The following PCDHGA9 variants were observed in gnomAD, a reference collection of about 807,000 sequenced individuals.
PCDHGA9 encodes the protein protocadherin gamma subfamily A, 9, also known as protocadherin gamma-A9.
PCDHGA9 carries 37 observed loss-of-function variants against 62.5 expected under a neutral mutation model. The ratio of observed to expected loss-of-function variants is 0.59; its 90% CI spans 0.46 to 0.78. The LOEUF (loss-of-function observed/expected upper bound fraction) is 0.78. Ranked by LOEUF, PCDHGA9 falls within the 30% of genes least tolerant of loss-of-function variation. The probability of loss-of-function intolerance (pLI) is 0.00; values close to 1 mark genes in which losing one functional copy is unlikely to be tolerated. For missense variants in PCDHGA9, 1,138 were observed against 1,166.2 expected, an observed-to-expected ratio of 0.98 and a Z score of 0.35; for synonymous variants, 459 against 484.6, an observed-to-expected ratio of 0.95 and a Z score of 0.69.
intron 1 of PCDHGA9, chr5:141,428,035 A>C (rs776717344): frequency 6.2e-7 from 1 of 1,607,926 alleles, no homozygotes; most frequent in Non-Finnish European, 8.5e-7. Context: ...GAGTCCGGCT[A>C]CCTGGTGACC....
At chr5:141,499,679 T>G (rs2099793341) in intron 2 of PCDHGA9, among the ~76,000 whole-genome samples, 1 of 150,922 alleles carries the variant, frequency 6.6e-6, no homozygotes, top group South Asian at 2.1e-4. Context: ...CCACCATCTT[T>G]AACAGATGAC....
intron 1 of PCDHGA9, chr5:141,433,139 T>G: frequency 6.2e-7 from 1 of 1,614,068 alleles, no homozygotes; most frequent in Non-Finnish European, 8.5e-7. Context: ...CCTTTTGCTG[T>G]CAGGTGATTC....
chr5:141,463,886 C>T (rs1327677210), intron 1 of PCDHGA9, among the ~76,000 whole-genome samples: 3 of 152,118 alleles, frequency 2.0e-5, no homozygotes, highest in African/African-American at 4.8e-5. Flanking sequence ...AAAGTTTTCA[C>T]CTTGCTTTTT....
intron 1 of PCDHGA9, chr5:141,409,586 G>C: frequency 6.2e-7 from 1 of 1,613,908 alleles, no homozygotes; most frequent in Non-Finnish European, 8.5e-7. Flanking sequence ...GGTCCACGTG[G>C]CCGAGAACAA....
intron 1 of PCDHGA9, among the ~76,000 whole-genome samples, chr5:141,466,826 G>A (rs978548667): frequency 1.2e-4 from 18 of 152,056 alleles, no homozygotes; most frequent in Admixed American, 8.5e-4. Flanking sequence ...TAACAAGTTA[G>A]TATGGGTTTA....
At position 141,431,633 on chromosome 5, in the gene PCDHGA9, T is replaced by G; in HGVS notation, c.2424+26257T>G. On this transcript the variant is annotated intron_variant, in intron 1 of 3. Coordinates refer to ENST00000573521, the MANE Select transcript of PCDHGA9 (RefSeq NM_018921.3). This position sits in a 1 kb window ranked among gnomAD's most constrained non-coding sequence, Gnocchi z 4.8. Reference sequence around the variant, plus strand: ...TGTGGACGACAAGGCGGCCCAAGTTTTCAAACTAGATTGTAATTCAGGGAC... The same window carrying G: ...TGTGGACGACAAGGCGGCCCAAGTTGTCAAACTAGATTGTAATTCAGGGAC... 6.2e-7 allele frequency: 1 copy of G among 1,614,240 alleles called. No individual in the cohort carries two copies. Among genetic ancestry groups the G allele is most frequent in the Non-Finnish European group, 8.5e-7 (1 of 1,180,048 alleles).
chr5:141,440,931 C>G (rs2098213287), intron 1 of PCDHGA9: 1 of 152,186 alleles, frequency 6.6e-6, no homozygotes, highest in Non-Finnish European at 1.5e-5. Context: ...GTGAGGGCCA[C>G]CAACCAGGAC....
rs147564249 is a variant in PCDHGA9, at chr5:141,432,378, C to T, written c.2424+27002C>T. 1 of 1,614,234 alleles carries T rather than the reference C, an allele frequency of 6.2e-7. No homozygotes were observed. Among genetic ancestry groups the T allele is most frequent in the Non-Finnish European group, 8.5e-7 (1 of 1,180,044 alleles). ...GTGATGGCGCGGGACAACGGGCACCCGCCCCTCAGCAGCAACGTGTCGTTG... is the reference window on the plus strand; with the variant it reads ...GTGATGGCGCGGGACAACGGGCACCTGCCCCTCAGCAGCAACGTGTCGTTG... On this transcript the variant is annotated intron_variant, in intron 1 of 3. Coordinates refer to ENST00000573521, the MANE Select transcript of PCDHGA9 (RefSeq NM_018921.3). This position sits in a 1 kb window ranked among gnomAD's most constrained non-coding sequence, Gnocchi z 6.0.
chr5:141,404,769 A>G lies in PCDHGA9; in HGVS notation c.1817A>G (p.Tyr606Cys). The G allele has an allele frequency of 1.2e-6, 2 of 1,611,124 alleles. No homozygotes were observed. The highest frequency in any genetic ancestry group is 1.7e-6 in the Non-Finnish European group (2 of 1,179,696). ...RDSGQNAWLS[Y>C]RLFKASEPGL... ...TCAGGCCAGAATGCTTGGCTCTCCT[A>G]CCGCCTATTCAAGGCCAGTGAGCCA... Residue 606 changes from tyrosine (Y) to cysteine (C), a missense_variant, in exon 1 of 4, where the codon TAC (tyrosine) becomes TGC (cysteine). Physicochemically the swap from Tyr to Cys is radical, Grantham distance 194 (BLOSUM62 -2). Transcript: ENST00000573521.
In PCDHGA9 at chr5:141,405,233, G is replaced by A. The variant is rs746061797; in HGVS notation, c.2281G>A (p.Ala761Thr). 10 of 1,613,914 alleles carry A rather than the reference G, an allele frequency of 6.2e-6. No individual in the cohort carries two copies. Among genetic ancestry groups the A allele is most frequent in the East Asian group, 2.2e-5 (1 of 44,880 alleles). Residue 761 changes from alanine to threonine, a missense_variant, in exon 1 of 4, where the codon GCT becomes ACT. Physicochemically the swap from Ala to Thr is moderately conservative, Grantham distance 58 (BLOSUM62 0). Transcript: ENST00000573521. ...QTYSQEFSLT[A>T]DSRKSHLIFP... ...CTATTCTCAGGAGTTCTCCCTCACC[G>A]CTGACTCAAGGAAGAGTCACCTGAT... is the stretch of plus-strand genomic sequence containing the variant.
rs201279747 is a variant in PCDHGA9, at chr5:141,414,931, G to A, written c.2424+9555G>A. On this transcript the variant is annotated intron_variant, in intron 1 of 3. Coordinates refer to ENST00000573521, the MANE Select transcript of PCDHGA9 (RefSeq NM_018921.3). ...AGGCGTGGAGCTGGCGCCCCGCTCC[G>A]CAGAGCCCGGCTACCTGGTGACCAA... 123 of 1,614,120 alleles carry A rather than the reference G, an allele frequency of 7.6e-5. No homozygotes were observed. In the East Asian group the frequency reaches 2.5e-3, roughly 33 times the overall value.
rs6883529 is a variant in PCDHGA9, at chr5:141,427,618, A to G, written c.2424+22242A>G. On this transcript the variant is annotated intron_variant, in intron 1 of 3. Coordinates refer to ENST00000573521, the MANE Select transcript of PCDHGA9 (RefSeq NM_018921.3). ...ACCCTACGCATTGGTGAAGTCAACG[A>G]CAATGCTCCGGTTTTCCACCAAGTC... The G allele has an allele frequency of 3.3e-3, 2,299 of 695,914 alleles. 37 individuals are homozygous for G. In the African/African-American group the frequency reaches 0.033, roughly 10 times the overall value. 43.1% of individuals were successfully genotyped at this position (695,914 alleles called of 1,614,324 possible).
Position 141,432,809 on chromosome 5 carries a change from T to A in PCDHGA9, c.2424+27433T>A. ...CGGCAGCCTCGAGTCTCCAGCTAAC[T>A]CTGAAACCTCAGACCTCACTCTGTA... is the stretch of plus-strand genomic sequence containing the variant. On this transcript the variant is annotated intron_variant, in intron 1 of 3. Coordinates refer to ENST00000573521, the MANE Select transcript of PCDHGA9 (RefSeq NM_018921.3). This position sits in a 1 kb window ranked among gnomAD's most constrained non-coding sequence, Gnocchi z 6.0. The A allele has an allele frequency of 6.2e-7, 1 of 1,613,398 alleles. No homozygotes were observed. Among genetic ancestry groups the A allele is most frequent in the Non-Finnish European group, 8.5e-7 (1 of 1,179,980 alleles).
chr5:141,510,984 C>G lies in PCDHGA9; in HGVS notation c.2610C>G (p.Ala870=). ...ADGSSTLGGG[A]GTMGLSARYG... ...GGAGCTCCACCCTGGGAGGGGGTGC[C>G]GGCACCATGGGATTGAGCGCCCGCT... The change falls in exon 4 of 4, where the codon GCC becomes GCG. Residue 870 remains alanine (A), a synonymous_variant. Transcript: ENST00000573521. The G allele has an allele frequency of 1.2e-6, 2 of 1,614,162 alleles. No homozygotes were observed. The highest frequency in any genetic ancestry group is 1.7e-6 in the Non-Finnish European group (2 of 1,180,012).
Position 141,432,206 on chromosome 5 carries a change from G to T in PCDHGA9, c.2424+26830G>T, listed in dbSNP as rs551220443. ...GACCGCCCACGACCCCGACTGTGAA[G>T]AGAACGCCCAGATCACTTATTCCCT... On this transcript the variant is annotated intron_variant, in intron 1 of 3. Coordinates refer to ENST00000573521, the MANE Select transcript of PCDHGA9 (RefSeq NM_018921.3). The surrounding 1 kb of genome is among the most constrained non-coding windows in gnomAD (Gnocchi z 6.0). 12 of 1,614,214 alleles carry T rather than the reference G, an allele frequency of 7.4e-6. No individual in the cohort carries two copies. The Admixed American group carries it at 8.3e-5, about 11-fold the overall frequency.
chr5:141,418,699 C>A, intron 1 of PCDHGA9: 1 of 1,614,014 alleles, frequency 6.2e-7, no homozygotes, highest in Non-Finnish European at 8.5e-7. Context: ...TCACTTATTC[C>A]TTCTTTGGTG....
rs2099695548 is a variant in PCDHGA9, at chr5:141,490,059, C to T, written c.2425-4748C>T. On this transcript the variant is annotated intron_variant, in intron 1 of 3. Coordinates refer to ENST00000573521, the MANE Select transcript of PCDHGA9 (RefSeq NM_018921.3). The surrounding 1 kb of genome is among the most constrained non-coding windows in gnomAD (Gnocchi z 5.4). ...ATGCCACTGATCCAGACGAGGGCAC[C>T]AACGGCCAACTAGACTATTCTTTTG... 1.2e-6 allele frequency: 2 copies of T among 1,614,242 alleles called. No individual in the cohort carries two copies. The highest frequency in any genetic ancestry group is 1.7e-6 in the Non-Finnish European group (2 of 1,180,030).
Position 141,456,470 on chromosome 5 carries a change from A to G in PCDHGA9, c.2425-38337A>G, listed in dbSNP as rs573210902. Among the ~76,000 whole-genome samples, 4 of 152,272 alleles carry G rather than the reference A, an allele frequency of 2.6e-5. No homozygotes were observed. In the East Asian group the frequency reaches 7.7e-4, roughly 29 times the overall value. On this transcript the variant is annotated intron_variant, in intron 1 of 3. Coordinates refer to ENST00000573521, the MANE Select transcript of PCDHGA9 (RefSeq NM_018921.3). ...GTCCAAATATCAATACAAGACATAT[A>G]AGCAAGAGAGTGCTTAATAAAGGGG...
intron 1 of PCDHGA9, among the ~76,000 whole-genome samples, chr5:141,445,441 C>T (rs1201825256): frequency 6.6e-6 from 1 of 152,152 alleles, no homozygotes; most frequent in Admixed American, 6.6e-5. Context: ...GACCTATGGA[C>T]TAAGGATGCA....
Sources: gnomAD v4.1 joint callset for allele counts (sites outside exome capture counted in the v4.1 genomes callset) on GRCh38, gnomAD v4.1.1 for gene constraint, Gnocchi (gnomAD v3.1) non-coding constraint, MANE v1.5 for transcripts, NCBI Gene and HGNC (gene_info 2026-07-23, HGNC 2026-07-21) for gene names.